Variants in HDGFL2 observed in about 807,000 individuals in gnomAD.
HDGFL2 encodes the protein hepatoma-derived growth factor-related protein 2.
Under a neutral mutation model 77.1 loss-of-function variants are expected in HDGFL2, and 36 were observed. The observed-to-expected ratio is 0.47, with a 90% CI of 0.36 to 0.62. HDGFL2 has a LOEUF of 0.62. Ranked by LOEUF, HDGFL2 falls within the 20% of genes least tolerant of loss-of-function variation. The pLI, the probability that HDGFL2 is intolerant of heterozygous loss-of-function variation, is 0.00. For synonymous variants in HDGFL2, 463 were observed against 413.1 expected, an observed-to-expected ratio of 1.12 and a Z score of -1.46; for missense variants, 976 against 973.4, an observed-to-expected ratio of 1.00 and a Z score of -0.04.
chr19:4,496,555 G>A (rs920894957), intron 10 of HDGFL2, 150 bp downstream of exon 10: 4 of 670,158 alleles, frequency 6.0e-6, no homozygotes, highest in Non-Finnish European at 1.1e-5. Flanking sequence ...TGTGTGGGCT[G>A]CGTAGGAATC....
In HDGFL2 at chr19:4,498,359, C is replaced by T. The variant is rs1261659576; in HGVS notation, c.1456C>T (p.Leu486=). ...QKLHSEIKFA[L]KVDSPDVKRC... is the part of the protein sequence containing the mutation. The stretch of plus-strand genomic sequence containing the variant: ...GCTGCACAGTGAGATCAAGTTTGCC[C>T]TAAAGGTCGACAGCCCGGTAAGACC... Residue 486 remains leucine, a synonymous_variant, in exon 12 of 16, where the codon CTA becomes TTA. Coordinates refer to ENST00000616600, the MANE Select transcript of HDGFL2 (RefSeq NM_001001520.3). The T allele has an allele frequency of 1.2e-6, 2 of 1,613,738 alleles. No homozygotes were observed. Among genetic ancestry groups the T allele is most frequent in the South Asian group, 1.1e-5 (1 of 91,078 alleles).
At position 4,494,544 on chromosome 19, in the gene HDGFL2, A is replaced by G. The variant is rs1975650956; in HGVS notation, c.1224+69A>G. ...GTTTATGGAGCATCTACTAGGTAGG[A>G]GGCAGTATCCCAGGTTCCGGGACCC... On this transcript the variant is annotated intron_variant, in intron 9 of 15. Coordinates refer to ENST00000616600, the MANE Select transcript of HDGFL2 (RefSeq NM_001001520.3). 6.0e-6 allele frequency: 7 copies of G among 1,163,446 alleles called. No homozygotes were observed. In the South Asian group the frequency reaches 1.7e-4, roughly 28 times the overall value. The allele number at this position is 1,163,446 out of a possible 1,614,324, so 72.1% of individuals were successfully genotyped here. A position where few individuals can be genotyped will look rare whatever the true frequency, so the allele number is the denominator to read the frequency against.
chr19:4,472,450 TGGG>T lies in HDGFL2; in HGVS notation c.72+43_72+45del, dbSNP rs57169858. 763 of 281,960 alleles carry T rather than the reference TGGG, an allele frequency of 2.7e-3. 2 individuals are homozygous for T. Among genetic ancestry groups the T allele is most frequent in the African/African-American group, 8.0e-3 (175 of 21,980 alleles). The allele number at this position is 281,960 out of a possible 1,614,324, so 17.5% of individuals were successfully genotyped here. A position where few individuals can be genotyped will look rare whatever the true frequency, so the allele number is the denominator to read the frequency against. On this transcript the variant is annotated intron_variant, in intron 1 of 15. Transcript: ENST00000616600. ...GAGGCCGCGCGGGAGATGGGGCCGGTGGGGGGGGGGGGGGGGGCAGCGGGGGCC... is the reference window on the plus strand; with the variant it reads ...GAGGCCGCGCGGGAGATGGGGCCGGTGGGGGGGGGGGGGGCAGCGGGGGCC...
At chr19:4,475,017 CTGGCTTTGCTCAGG>C in intron 1 of HDGFL2, 1 of 485,944 alleles carries the variant, frequency 2.1e-6, no homozygotes. Context: ...AGGGCCGGAT[CTGGCTTTGCTCAGG>C]TGGAGCACCT....
intron 6 of HDGFL2, 100 bp downstream of exon 6, chr19:4,491,935 TG>T: frequency 9.2e-7 from 1 of 1,083,904 alleles, no homozygotes; most frequent in Non-Finnish European, 1.4e-6. Context: ...CTGGAGGGGG[TG>T]GGACACGGAC....
chr19:4,497,935 C>T, intron 10 of HDGFL2, 23 bp from the exon 11 acceptor site: 2 of 1,549,198 alleles, frequency 1.3e-6, no homozygotes, highest in Non-Finnish European at 8.7e-7. Flanking sequence ...CGGGGCCCGA[C>T]TGAGGGGAGC....
chr19:4,499,372 C>T (rs1240453739), intron 13 of HDGFL2, 119 bp from the exon 14 acceptor site: 32 of 795,670 alleles, frequency 4.0e-5, no homozygotes, highest in Non-Finnish European at 6.1e-5. Flanking sequence ...ATGCCTGCTG[C>T]ACAGAGCTGT....
Position 4,491,569 on chromosome 19 carries a change from T to A in HDGFL2, c.493T>A (p.Ser165Thr), listed in dbSNP as rs373051908. 26 of 1,613,408 alleles carry A rather than the reference T, an allele frequency of 1.6e-5. No individual in the cohort carries two copies. Among genetic ancestry groups the A allele is most frequent in the Non-Finnish European group, 2.2e-5 (26 of 1,179,876 alleles). The change falls in exon 5 of 16, where the codon TCG (serine) becomes ACG (threonine). Residue 165 changes from serine (S) to threonine (T), a missense_variant. Ser to Thr is a moderately conservative substitution (Grantham distance 58). This residue lies in a region of HDGFL2 where 567 missense variants were observed against 534.7 expected (regional missense o/e 1.06). Coordinates refer to ENST00000616600, the MANE Select transcript of HDGFL2 (RefSeq NM_001001520.3). ...LKRKTPALKM[S>T]VSKRARKASS... ...ATTCAGGCCGTTCCCCTTCCAGATG[T>A]CGGTCTCGAAACGAGCCCGAAAGGC...
At chr19:4,489,516 G>C (rs1457655297) in intron 4 of HDGFL2, among the ~76,000 whole-genome samples, 1 of 151,866 alleles carries the variant, frequency 6.6e-6, no homozygotes, top group Non-Finnish European at 1.5e-5. Flanking sequence ...TGATTCCCCT[G>C]CTTCAGCCTC....
intron 11 of HDGFL2, 72 bp from the exon 12 acceptor site, chr19:4,498,234 G>T (rs1022919738): frequency 2.9e-6 from 4 of 1,403,252 alleles, no homozygotes; most frequent in Non-Finnish European, 4.0e-6. Flanking sequence ...AGGCTCTCAG[G>T]CTCCTGCCCT....
intron 3 of HDGFL2, among the ~76,000 whole-genome samples, chr19:4,481,138 C>T (rs1360035524): frequency 6.7e-6 from 1 of 150,042 alleles, no homozygotes; most frequent in Non-Finnish European, 1.5e-5. Context: ...TCTCCTGCCT[C>T]AGCCTCCCGA....
Position 4,494,455 on chromosome 19 carries a change from G to A in HDGFL2, c.1204G>A (p.Glu402Lys), listed in dbSNP as rs1258181887. 4 of 1,397,210 alleles carry A rather than the reference G, an allele frequency of 2.9e-6. No homozygotes were observed. The highest frequency in any genetic ancestry group is 7.0e-5 in the Admixed American group (2 of 28,582). 86.6% of individuals were successfully genotyped at this position (1,397,210 alleles called of 1,614,324 possible). ...CCCGTCCTCCTCTGACTCCGAGCCC[G>A]AGGCCGAGCTGGAGAGAGAGGTGAG... ...GPPSSSDSEP[E>K]AELEREAKKS... Residue 402 changes from glutamate (E) to lysine (K), a missense_variant, in exon 9 of 16, where the codon GAG (glutamate) becomes AAG (lysine). Glu to Lys is a moderately conservative substitution (Grantham distance 56). Transcript: ENST00000616600.
intron 15 of HDGFL2, 170 bp from the exon 16 acceptor site, chr19:4,501,741 G>A: frequency 3.6e-6 from 2 of 552,436 alleles, no homozygotes; most frequent in South Asian, 2.8e-5. Flanking sequence ...TGGGGACCCT[G>A]GAGATGGTTG....
intron 3 of HDGFL2, among the ~76,000 whole-genome samples, chr19:4,483,428 C>T (rs1329782884): frequency 6.6e-6 from 1 of 152,228 alleles, no homozygotes; most frequent in Non-Finnish European, 1.5e-5. Context: ...CTGTGGTTCC[C>T]TCCTCCTGGC....
rs796149023 is a variant in HDGFL2, at chr19:4,496,346, C to T, written c.1269C>T (p.Pro423=). The change falls in exon 10 of 16, where the codon CCC becomes CCT. Residue 423 remains proline, a synonymous_variant. Transcript: ENST00000616600. ...AKKPQSSSTE[P]ARKPGQKEKR... ...AGCCGCAGTCCTCAAGCACAGAGCC[C>T]GCCAGGAAACCTGGCCAGAAGGAGA... 3.6e-5 allele frequency: 58 copies of T among 1,614,114 alleles called. No individual in the cohort carries two copies. Among genetic ancestry groups the T allele is most frequent in the South Asian group, 6.6e-5 (6 of 91,086 alleles).
rs1478806248 is a variant in HDGFL2 at position 4,491,767 on chromosome 19, T to C, written c.610T>C (p.Phe204Leu). The C allele has an allele frequency of 1.2e-6, 2 of 1,613,870 alleles. No homozygotes were observed. The highest frequency in any genetic ancestry group is 1.7e-6 in the Non-Finnish European group (2 of 1,180,012). ...TCAGCTCACTTCTCTCCCCCAGGAC[T>C]TCACACCTGAGAAGAAAGCAGCGGT... ...SESEKTSDQD[F>L]TPEKKAAVRA... is the part of the protein sequence containing the mutation. The change falls in exon 6 of 16, where the codon TTC becomes CTC. Residue 204 changes from phenylalanine (F) to leucine (L), a missense_variant. Physicochemically the swap from Phe to Leu is conservative, Grantham distance 22. Coordinates refer to ENST00000616600, the MANE Select transcript of HDGFL2 (RefSeq NM_001001520.3).
At chr19:4,501,148 G>C (rs748168803) in intron 14 of HDGFL2, 43 bp from the exon 15 acceptor site, 5 of 1,610,674 alleles carry the variant, frequency 3.1e-6, no homozygotes, top group East Asian at 4.5e-5. Flanking sequence ...GGGGTGCCCA[G>C]CTGGAGCCCA....
chr19:4,493,511 C>T (rs1484617063), intron 6 of HDGFL2, among the ~76,000 whole-genome samples, 192 bp from the exon 7 acceptor site: 6 of 152,104 alleles, frequency 3.9e-5, no homozygotes. Flanking sequence ...GTGCCCAGGG[C>T]CGCCTGGGAT....
intron 4 of HDGFL2, among the ~76,000 whole-genome samples, chr19:4,489,429 G>T (rs1975450972): frequency 6.6e-6 from 1 of 151,420 alleles, no homozygotes; most frequent in South Asian, 2.1e-4. Flanking sequence ...TTTTGAGACG[G>T]AGTCTCATTC....
Sources: gnomAD v4.1 joint callset for allele counts (sites outside exome capture counted in the v4.1 genomes callset) on GRCh38, gnomAD v4.1.1 for gene constraint, gnomAD v4.1.1 regional missense constraint, MANE v1.5 for transcripts, NCBI Gene and HGNC (gene_info 2026-07-23, HGNC 2026-07-21) for gene names.